SIPA1L3: variants seen among roughly 807,000 people sequenced by gnomAD.
SIPA1L3 encodes signal induced proliferation associated 1 like 3, also known as signal-induced proliferation-associated 1-like protein 3.
SIPA1L3 carries 59 observed loss-of-function variants against 150.1 expected under a neutral mutation model. That is an observed-to-expected ratio of 0.39 (90% CI 0.32 to 0.49). The LOEUF (loss-of-function observed/expected upper bound fraction) is 0.49, where lower values mean the gene tolerates loss of function less well. Ranked by LOEUF, SIPA1L3 falls within the 20% of genes least tolerant of loss-of-function variation. The pLI, the probability that SIPA1L3 is intolerant of heterozygous loss-of-function variation, is 0.86. For missense variants in SIPA1L3, 2,211 were observed against 2,489.5 expected, an observed-to-expected ratio of 0.89 and a Z score of 2.38; for synonymous variants, 1,070 against 1,077.6, an observed-to-expected ratio of 0.99 and a Z score of 0.14.
chr19:37,909,236 C>T (rs1568460235), intron 1 of SIPA1L3, among the ~76,000 whole-genome samples: 1 of 152,242 alleles, frequency 6.6e-6, no homozygotes, highest in Non-Finnish European at 1.5e-5. Context: ...GAGACGGAGT[C>T]TTGCTCCATA....
intron 9 of SIPA1L3, among the ~76,000 whole-genome samples, chr19:38,128,790 G>A (rs1317235736): frequency 6.6e-6 from 1 of 152,004 alleles, no homozygotes; most frequent in Non-Finnish European, 1.5e-5. Flanking sequence ...CCACCTACTC[G>A]GGAGGCTGAG....
intron 15 of SIPA1L3, among the ~76,000 whole-genome samples, chr19:38,179,601 T>A: frequency 6.6e-6 from 1 of 152,220 alleles, no homozygotes; most frequent in South Asian, 2.1e-4. Context: ...ATTGTCCTAT[T>A]TCCTTCTCCC....
At chr19:37,946,296 T>A (rs1281751749) in intron 1 of SIPA1L3, among the ~76,000 whole-genome samples, 3 of 149,056 alleles carry the variant, frequency 2.0e-5, no homozygotes, top group African/African-American at 2.6e-5. Flanking sequence ...CTCCCCACAC[T>A]TTTTTTTGTG....
intron 1 of SIPA1L3, among the ~76,000 whole-genome samples, chr19:37,920,067 T>G (rs2046445614): frequency 6.7e-6 from 1 of 150,054 alleles, no homozygotes; most frequent in African/African-American, 2.4e-5. Flanking sequence ...AATTTTTTTT[T>G]TTTTTTTTTT....
At chr19:37,939,925 C>T (rs1359874683) in intron 1 of SIPA1L3, among the ~76,000 whole-genome samples, 1 of 152,148 alleles carries the variant, frequency 6.6e-6, no homozygotes, top group African/African-American at 2.4e-5. Context: ...ATGATGCCCT[C>T]CCCACTTTTG....
At chr19:37,937,757 A>AAAAAAAAAAAAAAAAAG in intron 1 of SIPA1L3, among the ~76,000 whole-genome samples, 1 of 132,202 alleles carries the variant, frequency 7.6e-6, no homozygotes, top group African/African-American at 2.8e-5. Context: ...AAAAAAAAAA[A>AAAAAAAAAAAAAAAAAG]AAAAAAAGAC....
At chr19:38,066,944 C>T (rs1409123914) in intron 2 of SIPA1L3, among the ~76,000 whole-genome samples, 5 of 151,698 alleles carry the variant, frequency 3.3e-5, no homozygotes, top group African/African-American at 9.7e-5. Flanking sequence ...GATTTAACAC[C>T]CTTAAAAGCA....
intron 1 of SIPA1L3, among the ~76,000 whole-genome samples, chr19:37,941,646 G>A (rs1034180801): frequency 6.6e-6 from 1 of 152,100 alleles, no homozygotes; most frequent in South Asian, 2.1e-4. Flanking sequence ...GGGGCCTTGC[G>A]GGTGTTTGTC....
At chr19:38,025,702 G>C (rs1351920092) in intron 1 of SIPA1L3, among the ~76,000 whole-genome samples, 1 of 152,108 alleles carries the variant, frequency 6.6e-6, no homozygotes, top group Admixed American at 6.5e-5. Flanking sequence ...TTTTATAAGA[G>C]CTTTATTGCA....
intron 6 of SIPA1L3, among the ~76,000 whole-genome samples, chr19:38,105,049 T>C (rs926579245): frequency 3.3e-5 from 5 of 151,790 alleles, no homozygotes; most frequent in Admixed American, 2.6e-4. Flanking sequence ...TGAGGCAGCA[T>C]TGAATATTAT....
intron 1 of SIPA1L3, among the ~76,000 whole-genome samples, chr19:37,961,598 C>G (rs926749355): frequency 1.3e-5 from 2 of 152,140 alleles, no homozygotes; most frequent in Non-Finnish European, 1.5e-5. Flanking sequence ...CAGTGTGGCT[C>G]TCTTTCTATT....
chr19:37,957,240 A>G (rs1355219343), intron 1 of SIPA1L3, among the ~76,000 whole-genome samples: 1 of 152,222 alleles, frequency 6.6e-6, no homozygotes, highest in Non-Finnish European at 1.5e-5. Flanking sequence ...TTTGTTTTCC[A>G]AAATTGTTTT....
chr19:38,119,897 C>CTTA lies in SIPA1L3; in HGVS notation c.2868+15_2868+16insTTA. 6.3e-7 allele frequency: 1 copy of CTTA among 1,575,390 alleles called. No homozygotes were observed. ...AGAGACTGAAGGTAAGGGAGAGAGC[C>CTTA]CGGCGATAGGGCGGCGATTTGTATG... On this transcript the variant is annotated intron_variant, in intron 9 of 21. Coordinates refer to ENST00000222345, the MANE Select transcript of SIPA1L3 (RefSeq NM_015073.3).
chr19:38,143,166 A>G (rs1201637697), intron 12 of SIPA1L3, among the ~76,000 whole-genome samples: 1 of 151,942 alleles, frequency 6.6e-6, no homozygotes, highest in Non-Finnish European at 1.5e-5. Context: ...GATCTCCCCA[A>G]ACCCTCCATG....
chr19:38,017,144 G>C (rs1402615883), intron 1 of SIPA1L3, among the ~76,000 whole-genome samples: 2 of 152,084 alleles, frequency 1.3e-5, no homozygotes, highest in South Asian at 4.1e-4. Context: ...TCATCCACCT[G>C]CCTCGGCCTC....
intron 2 of SIPA1L3, among the ~76,000 whole-genome samples, chr19:38,076,028 C>G (rs1470091308): frequency 6.6e-6 from 1 of 151,476 alleles, no homozygotes; most frequent in Non-Finnish European, 1.5e-5. Context: ...GTAGTCTCAG[C>G]CACTCCAGAG....
At chr19:38,107,005 T>C (rs761119112) in intron 7 of SIPA1L3, among the ~76,000 whole-genome samples, 1 of 152,220 alleles carries the variant, frequency 6.6e-6, no homozygotes, top group Non-Finnish European at 1.5e-5. Flanking sequence ...ATTTATGGGT[T>C]ATATAACTCT....
At chr19:38,190,219 G>T (rs1453610496) in intron 16 of SIPA1L3, among the ~76,000 whole-genome samples, 1 of 152,216 alleles carries the variant, frequency 6.6e-6, no homozygotes, top group Non-Finnish European at 1.5e-5. Context: ...CGTGCTGAAG[G>T]CCAGGCCTGC....
rs189499785 is a variant in SIPA1L3, at chr19:38,169,018, A to T, written c.4208+4112A>T. ...TGCTTTCATGAGTATTAGGAAAAAGAGTTTGCAACTCACCCCCTGATTTTA... is the reference window on the plus strand; with the variant it reads ...TGCTTTCATGAGTATTAGGAAAAAGTGTTTGCAACTCACCCCCTGATTTTA... On this transcript the variant is annotated intron_variant, in intron 15 of 21. Transcript: ENST00000222345. Among the ~76,000 whole-genome samples, 1,320 of 152,244 alleles carry T rather than the reference A, an allele frequency of 8.7e-3. 5 individuals are homozygous for T. The highest frequency in any genetic ancestry group is 0.015 in the Non-Finnish European group (1,008 of 68,026).
Sources: gnomAD v4.1 joint callset for allele counts (sites outside exome capture counted in the v4.1 genomes callset) on GRCh38, gnomAD v4.1.1 for gene constraint, MANE v1.5 for transcripts, NCBI Gene and HGNC (gene_info 2026-07-23, HGNC 2026-07-21) for gene names.